VPS26C: variants seen among roughly 807,000 people sequenced by gnomAD.
VPS26C encodes the protein VPS26 endosomal protein sorting factor C.
Under a neutral mutation model 30.6 loss-of-function variants are expected in VPS26C, and 19 were observed. The ratio of observed to expected loss-of-function variants is 0.62; its 90% confidence interval spans 0.43 to 0.91. The LOEUF (loss-of-function observed/expected upper bound fraction) is 0.91, where lower values mean the gene tolerates loss of function less well. Among genes scored for constraint, VPS26C ranks in the 40% least tolerant of loss-of-function variants. VPS26C has a pLI of 0.00. For missense variants in VPS26C, 318 were observed against 385.1 expected (o/e 0.83, Z 1.46); for synonymous variants, 132 against 151.5 (o/e 0.87, Z 0.95).
At chr21:37,251,111 A>G (rs2086189403) in intron 1 of VPS26C, among the ~76,000 whole-genome samples, 1 of 152,216 alleles carries the variant, frequency 6.6e-6, no homozygotes, top group Non-Finnish European at 1.5e-5. Context: ...GCCAGAGGGG[A>G]GGCAATAAGC....
At chr21:37,256,961 C>G (rs2086249414) in intron 1 of VPS26C, among the ~76,000 whole-genome samples, 1 of 152,070 alleles carries the variant, frequency 6.6e-6, no homozygotes, top group Admixed American at 6.5e-5. Flanking sequence ...CATGCAGAAA[C>G]CCTGTCTCTA....
At chr21:37,235,609 A>C (rs2086011964) in intron 3 of VPS26C, among the ~76,000 whole-genome samples, 1 of 152,174 alleles carries the variant, frequency 6.6e-6, no homozygotes, top group African/African-American at 2.4e-5. Context: ...AACAAACCTA[A>C]TAAAACTTGC....
chr21:37,250,848 C>T (rs1602280353), intron 1 of VPS26C, among the ~76,000 whole-genome samples: 1 of 140,522 alleles, frequency 7.1e-6, no homozygotes, highest in Admixed American at 7.6e-5. Context: ...TGCAGTGAGC[C>T]GAGATCACAC....
intron 1 of VPS26C, among the ~76,000 whole-genome samples, chr21:37,254,135 G>T (rs1414703552): frequency 6.6e-6 from 1 of 152,154 alleles, no homozygotes; most frequent in Admixed American, 6.5e-5. Context: ...GTCCGCCAAA[G>T]AAAATGCTCT....
At chr21:37,258,377 C>G (rs2086267824) in intron 1 of VPS26C, among the ~76,000 whole-genome samples, 2 of 152,254 alleles carry the variant, frequency 1.3e-5, no homozygotes, top group South Asian at 4.1e-4. Context: ...GTGTTAAAAC[C>G]TGGCGCCAAA....
At chr21:37,232,725 G>C in intron 4 of VPS26C, 1 of 546,388 alleles carries the variant, frequency 1.8e-6, no homozygotes. Flanking sequence ...CTAAGAAACA[G>C]AACAGTGTTA....
upstream of VPS26C, chr21:37,267,366 T>G: frequency 1.4e-6 from 2 of 1,394,130 alleles, no homozygotes; most frequent in Non-Finnish European, 2.0e-6. Flanking sequence ...GCCTCCCCGC[T>G]TCGTTCTGGG....
At chr21:37,231,068 G>C (rs12482772) in intron 5 of VPS26C, among the ~76,000 whole-genome samples, 79,504 of 152,156 alleles carry the variant, frequency 0.52, 21,131 homozygotes, top group East Asian at 0.71. Flanking sequence ...CTGATGAGCA[G>C]GTGCTGAGGA....
intron 1 of VPS26C, 62 bp downstream of exon 1, chr21:37,267,176 G>A: frequency 7.3e-7 from 1 of 1,378,668 alleles, no homozygotes; most frequent in African/African-American, 1.4e-5. Flanking sequence ...GAGCGATGGA[G>A]ACAGCGGAAC....
intron 1 of VPS26C, among the ~76,000 whole-genome samples, chr21:37,241,093 G>C (rs997156689): frequency 6.6e-6 from 1 of 152,230 alleles, no homozygotes; most frequent in Non-Finnish European, 1.5e-5. Context: ...TAAAATGACA[G>C]CACAACTGCA....
chr21:37,256,087 C>T (rs962267819), intron 1 of VPS26C, among the ~76,000 whole-genome samples: 2 of 152,128 alleles, frequency 1.3e-5, no homozygotes, highest in South Asian at 4.1e-4. Flanking sequence ...CTGCCTGCCT[C>T]GGCCTCCCAA....
At chr21:37,236,324 G>C (rs1460641823) in intron 3 of VPS26C, among the ~76,000 whole-genome samples, 2 of 152,140 alleles carry the variant, frequency 1.3e-5, no homozygotes, top group Non-Finnish European at 2.9e-5. Context: ...CTATAAAACT[G>C]TAAGAAAAAG....
Position 37,257,128 on chromosome 21 carries a change from T to C in VPS26C, c.57+10110A>G, listed in dbSNP as rs957391234. On this transcript the variant is annotated intron_variant, in intron 1 of 7. Transcript: ENST00000309117. This position sits in a 1 kb window ranked among gnomAD's most constrained non-coding sequence, Gnocchi z 4.2. ...GCCTGGGTGACAGAGTGAGGCTCTG[T>C]CTCAAAAAAACAAAACACAAAAAAA... Among the ~76,000 whole-genome samples the C allele has an allele frequency of 6.6e-6, 1 of 151,834 alleles. No individual in the cohort carries two copies. The highest frequency in any genetic ancestry group is 2.4e-5 in the African/African-American group (1 of 41,302).
chr21:37,239,133 C>A (rs1182348494), intron 2 of VPS26C, among the ~76,000 whole-genome samples: 1 of 152,218 alleles, frequency 6.6e-6, no homozygotes, highest in East Asian at 1.9e-4. Context: ...CTCAGCTGGG[C>A]CTCCAAGGAG....
upstream of VPS26C, chr21:37,267,674 G>T (rs1439571790): frequency 3.4e-6 from 1 of 290,606 alleles, no homozygotes; most frequent in African/African-American, 2.2e-5. Context: ...GCGGCTGGAG[G>T]CGGAGCCGAG....
intron 3 of VPS26C, among the ~76,000 whole-genome samples, chr21:37,236,004 C>T (rs2086019996): frequency 6.6e-6 from 1 of 151,714 alleles, no homozygotes; most frequent in South Asian, 2.1e-4. Context: ...GCTGGGTTTA[C>T]AGGTGCATGC....
chr21:37,239,603 CTTTTT>C (rs11313933), intron 2 of VPS26C, among the ~76,000 whole-genome samples: 6 of 138,354 alleles, frequency 4.3e-5, no homozygotes, highest in Non-Finnish European at 4.7e-5. Context: ...GAGCTGTGAT[CTTTTT>C]TTTTTTTTTT....
At chr21:37,263,916 G>A (rs1056680548) in intron 1 of VPS26C, among the ~76,000 whole-genome samples, 1 of 152,160 alleles carries the variant, frequency 6.6e-6, no homozygotes, top group Non-Finnish European at 1.5e-5. Flanking sequence ...GAGAAGGGCC[G>A]CTTCTCCCAC....
At chr21:37,227,833 G>A (rs1374899398) in intron 6 of VPS26C, 27 bp from the exon 7 acceptor site, 12 of 1,561,096 alleles carry the variant, frequency 7.7e-6, no homozygotes, top group Non-Finnish European at 1.0e-5. Context: ...ACATCACGCG[G>A]TCAGGGCCAG....
Sources: gnomAD v4.1 joint callset for allele counts (sites outside exome capture counted in the v4.1 genomes callset) on GRCh38, gnomAD v4.1.1 for gene constraint, Gnocchi (gnomAD v3.1) non-coding constraint, MANE v1.5 for transcripts, NCBI Gene and HGNC (gene_info 2026-07-23, HGNC 2026-07-21) for gene names.